Variants in RNF217 observed in about 807,000 individuals in gnomAD.
RNF217 encodes the protein ring finger protein 217.
A neutral mutation model predicts 57.8 loss-of-function variants in RNF217; 31 were observed. The ratio of observed to expected loss-of-function variants is 0.54; its 90% CI spans 0.40 to 0.72. The LOEUF (loss-of-function observed/expected upper bound fraction) is 0.72. Ranked by LOEUF, RNF217 falls within the 30% of genes least tolerant of loss-of-function variation. The pLI, the probability that RNF217 is intolerant of heterozygous loss-of-function variation, is 0.00. For synonymous variants in RNF217, 313 were observed against 294.0 expected, an observed-to-expected ratio of 1.06 and a Z score of -0.66; for missense variants, 696 against 708.3, an observed-to-expected ratio of 0.98 and a Z score of 0.20.
intron 1 of RNF217, among the ~76,000 whole-genome samples, chr6:125,031,626 T>A (rs146159636): frequency 0.043 from 6,477 of 152,200 alleles, 178 homozygotes; most frequent in African/African-American, 0.08. Context: ...CCCAACAAGT[T>A]TCTCATCTCC....
chr6:124,991,425 A>G (rs1176391026), intron 1 of RNF217, among the ~76,000 whole-genome samples: 3 of 152,100 alleles, frequency 2.0e-5, no homozygotes, highest in Non-Finnish European at 4.4e-5. Context: ...TATACATGCT[A>G]CCAACCCTCA....
chr6:125,067,046 A>G (rs1400768684), intron 3 of RNF217, among the ~76,000 whole-genome samples: 1 of 152,174 alleles, frequency 6.6e-6, no homozygotes, highest in African/African-American at 2.4e-5. Flanking sequence ...CATCTTGAGG[A>G]ATCCAAGGGA....
chr6:125,053,050 T>TC (rs1787387550), intron 2 of RNF217, among the ~76,000 whole-genome samples: 1 of 152,098 alleles, frequency 6.6e-6, no homozygotes. Flanking sequence ...CTCTTGGGCC[T>TC]CTGTGTGGTG....
chr6:125,063,188 G>C (rs538821432), intron 3 of RNF217, among the ~76,000 whole-genome samples: 10 of 152,212 alleles, frequency 6.6e-5, no homozygotes, highest in African/African-American at 2.4e-4. Flanking sequence ...CCACAGATTA[G>C]ATACTAAAGT....
intron 1 of RNF217, among the ~76,000 whole-genome samples, chr6:124,980,284 T>C (rs1372877961): frequency 6.6e-6 from 1 of 152,216 alleles, no homozygotes; most frequent in Non-Finnish European, 1.5e-5. Flanking sequence ...TTCTCAATAG[T>C]TTGCAATTTG....
At chr6:124,974,133 A>G (rs886854609) in intron 1 of RNF217, among the ~76,000 whole-genome samples, 18 of 152,304 alleles carry the variant, frequency 1.2e-4, no homozygotes, top group African/African-American at 4.3e-4. Context: ...GAAGGCCCTC[A>G]GCATAACTTT....
intron 4 of RNF217, among the ~76,000 whole-genome samples, chr6:125,081,094 G>A (rs1788557386): frequency 6.6e-6 from 1 of 151,978 alleles, no homozygotes; most frequent in South Asian, 2.1e-4. Flanking sequence ...TAATCTTTTA[G>A]CATTGCGAAC....
At position 125,087,883 on chromosome 6, in the gene RNF217, C is replaced by T. The variant is rs929380178; in HGVS notation, c.*4946C>T. The stretch of plus-strand genomic sequence containing the variant: ...CATGAATTCTATAAAAGAAATCTCC[C>T]TCACTAAAAATATGATCAATCAAAA... On this transcript the variant is annotated 3_prime_UTR_variant, in exon 6 of 6. Coordinates refer to ENST00000521654, the MANE Select transcript of RNF217 (RefSeq NM_001286398.3). 1.3e-5 allele frequency: 2 copies of T among 151,940 alleles called. No individual in the cohort carries two copies. The highest frequency in any genetic ancestry group is 4.8e-5 in the African/African-American group (2 of 41,358). 9.4% of individuals were successfully genotyped at this position (151,940 alleles called of 1,614,324 possible).
chr6:125,008,059 A>G (rs1265099892), intron 1 of RNF217, among the ~76,000 whole-genome samples: 2 of 152,080 alleles, frequency 1.3e-5, no homozygotes, highest in Non-Finnish European at 2.9e-5. Flanking sequence ...GATCAAGACC[A>G]TCCCGGCTGA....
chr6:124,986,619 A>G (rs1258653427), intron 1 of RNF217, among the ~76,000 whole-genome samples: 1 of 152,198 alleles, frequency 6.6e-6, no homozygotes, highest in African/African-American at 2.4e-5. Flanking sequence ...TGTTTATTCA[A>G]AAGAATTTTA....
At chr6:124,989,789 CTG>C (rs1784489185) in intron 1 of RNF217, among the ~76,000 whole-genome samples, 1 of 151,608 alleles carries the variant, frequency 6.6e-6, no homozygotes, top group Non-Finnish European at 1.5e-5. Context: ...TTACTGAACT[CTG>C]TCCTATATTA....
intron 1 of RNF217, among the ~76,000 whole-genome samples, chr6:124,966,254 C>G (rs1001093851): frequency 2.0e-5 from 3 of 152,206 alleles, no homozygotes; most frequent in Non-Finnish European, 4.4e-5. Context: ...TATGGTCCCT[C>G]TACTCAAAGG....
At chr6:125,063,670 C>T (rs368318530) in intron 3 of RNF217, among the ~76,000 whole-genome samples, 2 of 127,582 alleles carry the variant, frequency 1.6e-5, no homozygotes, top group Non-Finnish European at 3.7e-5. Flanking sequence ...AGGTTTTGCA[C>T]AATAATTATA....
chr6:125,035,263 C>G (rs1786557681), intron 1 of RNF217, among the ~76,000 whole-genome samples: 1 of 151,930 alleles, frequency 6.6e-6, no homozygotes, highest in Admixed American at 6.6e-5. Flanking sequence ...AGAGGGCATC[C>G]CTGTCTTGTG....
At chr6:125,019,793 A>G (rs764569999) in intron 1 of RNF217, among the ~76,000 whole-genome samples, 11 of 145,096 alleles carry the variant, frequency 7.6e-5, no homozygotes, top group Non-Finnish European at 1.4e-4. Context: ...CCTGGATTCC[A>G]TGTTGCCTGC....
chr6:125,026,944 GTTTA>G (rs1562474809), intron 1 of RNF217, among the ~76,000 whole-genome samples: 1 of 151,806 alleles, frequency 6.6e-6, no homozygotes, highest in Non-Finnish European at 1.5e-5. Context: ...ATATATTAAT[GTTTA>G]TTATATTTGT....
intron 3 of RNF217, among the ~76,000 whole-genome samples, chr6:125,071,484 ATGTGTGTGTGTGTGTG>A (rs61496685): frequency 1.2e-3 from 162 of 136,838 alleles, no homozygotes; most frequent in African/African-American, 3.5e-3. Flanking sequence ...CTGCCTACAT[ATGTGTGTGTGTGTGTG>A]TGTGTGTGTG....
At position 125,045,433 on chromosome 6, in the gene RNF217, A is replaced by T; in HGVS notation, c.1105A>T (p.Ser369Cys). Residue 369 changes from serine (S) to cysteine (C), a missense_variant, in exon 2 of 6, where the codon AGC (serine) becomes TGC (cysteine). Ser to Cys is a moderately radical substitution (Grantham distance 112). Transcript: ENST00000521654. ...GHIPTPSRSESKYKIQCPTCQ... is the reference protein window; with the variant it reads ...GHIPTPSRSECKYKIQCPTCQ... ...TATTCCCACCCCTTCCAGATCAGAA[A>T]GCAAATACAAAGTAAGCATTTTCAC... is the stretch of plus-strand genomic sequence containing the variant. 4 of 1,611,738 alleles carry T rather than the reference A, an allele frequency of 2.5e-6. No homozygotes were observed. The highest frequency in any genetic ancestry group is 3.4e-6 in the Non-Finnish European group (4 of 1,178,734).
intron 2 of RNF217, chr6:125,048,204 GC>G: frequency 1.5e-6 from 2 of 1,353,966 alleles, no homozygotes; most frequent in Non-Finnish European, 9.8e-7. Context: ...GAGATTCATG[GC>G]CACAGTATGG....
Sources: gnomAD v4.1 joint callset for allele counts (sites outside exome capture counted in the v4.1 genomes callset) on GRCh38, gnomAD v4.1.1 for gene constraint, MANE v1.5 for transcripts, NCBI Gene and HGNC (gene_info 2026-07-23, HGNC 2026-07-21) for gene names.